The following RIMS1 variants were observed in gnomAD, a reference collection of about 807,000 sequenced individuals.
RIMS1 encodes the protein regulating synaptic membrane exocytosis 1, also known as regulating synaptic membrane exocytosis protein 1.
Under a neutral mutation model 214.1 loss-of-function variants are expected in RIMS1, and 83 were observed. The observed-to-expected ratio is 0.39, with a 90% CI of 0.32 to 0.47. The LOEUF (loss-of-function observed/expected upper bound fraction) is 0.47. Ranked by LOEUF, RIMS1 falls within the 20% of genes least tolerant of loss-of-function variation. The pLI is 0.99. For missense variants in RIMS1, 2,050 were observed against 2,161.8 expected (o/e 0.95, Z 1.03); for synonymous variants, 793 against 786.8 (o/e 1.01, Z -0.13).
chr6:72,321,320 A>T (rs1002592765), intron 28 of RIMS1, among the ~76,000 whole-genome samples: 1 of 152,032 alleles, frequency 6.6e-6, no homozygotes, highest in Non-Finnish European at 1.5e-5. Context: ...TCCATACATG[A>T]TGTAAGTAAT....
chr6:72,260,805 T>C, intron 19 of RIMS1, 38 bp downstream of exon 19: 1 of 1,606,730 alleles, frequency 6.2e-7, no homozygotes. Flanking sequence ...CTGTGTGTGA[T>C]GACTCTCTTT....
intron 2 of RIMS1, among the ~76,000 whole-genome samples, chr6:71,970,270 T>G (rs1238379632): frequency 6.6e-6 from 1 of 152,216 alleles, no homozygotes; most frequent in Non-Finnish European, 1.5e-5. Flanking sequence ...TCATTTTTCT[T>G]TTGCCTATAG....
At chr6:72,006,199 G>T (rs994179058) in intron 2 of RIMS1, among the ~76,000 whole-genome samples, 1 of 152,096 alleles carries the variant, frequency 6.6e-6, no homozygotes, top group African/African-American at 2.4e-5. Context: ...CCTCCCAGGG[G>T]ATCCACCTCA....
intron 2 of RIMS1, among the ~76,000 whole-genome samples, chr6:72,041,877 T>C (rs1248109056): frequency 1.3e-5 from 2 of 151,898 alleles, no homozygotes; most frequent in African/African-American, 4.8e-5. Context: ...AAACGGAGAC[T>C]TAATAAGGTA....
At chr6:72,241,804 T>C (rs2067039453) in intron 9 of RIMS1, among the ~76,000 whole-genome samples, 1 of 152,208 alleles carries the variant, frequency 6.6e-6, no homozygotes, top group Non-Finnish European at 1.5e-5. Context: ...GTTGTGCATC[T>C]GGTGAAGACA....
chr6:72,374,413 G>C (rs1337960560), intron 29 of RIMS1, among the ~76,000 whole-genome samples: 1 of 152,158 alleles, frequency 6.6e-6, no homozygotes, highest in Non-Finnish European at 1.5e-5. Flanking sequence ...CTCTAATTAA[G>C]TTTTTATGCA....
intron 4 of RIMS1, among the ~76,000 whole-genome samples, chr6:72,147,511 C>G (rs1002517932): frequency 6.6e-6 from 1 of 152,120 alleles, no homozygotes. Flanking sequence ...TTTTTTCCAA[C>G]ACAGGGTCAG....
chr6:72,048,120 G>C (rs1823579622), intron 2 of RIMS1, among the ~76,000 whole-genome samples: 1 of 152,134 alleles, frequency 6.6e-6, no homozygotes, highest in African/African-American at 2.4e-5. Context: ...AAAATGCAAT[G>C]TTTTTAAGTA....
intron 6 of RIMS1, among the ~76,000 whole-genome samples, chr6:72,186,190 C>T (rs563057016): frequency 2.0e-5 from 3 of 152,162 alleles, no homozygotes; most frequent in Non-Finnish European, 4.4e-5. Flanking sequence ...GGGGTCAACC[C>T]CTAACCCCTG....
At chr6:72,077,228 C>T (rs1008712977) in intron 2 of RIMS1, among the ~76,000 whole-genome samples, 4 of 152,166 alleles carry the variant, frequency 2.6e-5, no homozygotes, top group Admixed American at 1.3e-4. Flanking sequence ...TAGCCAGGGG[C>T]GTGTCTGTAT....
intron 2 of RIMS1, among the ~76,000 whole-genome samples, chr6:72,088,249 ATTTATTTATTTATTTT>A (rs1835212957): frequency 8.6e-6 from 1 of 115,766 alleles, no homozygotes; most frequent in African/African-American, 2.7e-5. Flanking sequence ...TTATTTATTT[ATTTATTTATTTATTTT>A]GAGACCGAGT....
intron 6 of RIMS1, among the ~76,000 whole-genome samples, chr6:72,214,973 C>A (rs1462354608): frequency 6.6e-6 from 1 of 152,154 alleles, no homozygotes; most frequent in Non-Finnish European, 1.5e-5. Flanking sequence ...CCACCCGCCT[C>A]GGCCTCCCAA....
chr6:72,292,501 A>C (rs1041329776), intron 26 of RIMS1, among the ~76,000 whole-genome samples: 5 of 152,132 alleles, frequency 3.3e-5, no homozygotes, highest in Admixed American at 3.3e-4. Context: ...TGATGAAAAA[A>C]ATGACAGAAC....
chr6:71,946,309 A>T (rs759729576), intron 1 of RIMS1, among the ~76,000 whole-genome samples: 10 of 152,192 alleles, frequency 6.6e-5, no homozygotes, highest in Non-Finnish European at 1.3e-4. Flanking sequence ...ACCACAAAAG[A>T]CCCTGACTAG....
intron 18 of RIMS1, among the ~76,000 whole-genome samples, 156 bp downstream of exon 18, chr6:72,259,267 G>A (rs941164272): frequency 1.4e-4 from 22 of 152,106 alleles, no homozygotes; most frequent in Non-Finnish European, 2.5e-4. Flanking sequence ...TAATAGAAAT[G>A]TAACTCTAGG....
At chr6:72,007,665 T>C (rs924198301) in intron 2 of RIMS1, among the ~76,000 whole-genome samples, 5 of 152,178 alleles carry the variant, frequency 3.3e-5, no homozygotes, top group Non-Finnish European at 7.3e-5. Context: ...GCATGAGAAC[T>C]ACGTGACGAA....
At chr6:72,102,197 C>T (rs2033759750) in intron 4 of RIMS1, among the ~76,000 whole-genome samples, 1 of 151,852 alleles carries the variant, frequency 6.6e-6, no homozygotes, top group Admixed American at 6.6e-5. Flanking sequence ...AACTTAATTC[C>T]TTTGGGATTT....
chr6:72,178,510 G>C (rs980015845), intron 4 of RIMS1, among the ~76,000 whole-genome samples: 10 of 152,174 alleles, frequency 6.6e-5, no homozygotes, highest in Non-Finnish European at 1.3e-4. Flanking sequence ...GTCAGTATTT[G>C]TGAAAAGGAA....
intron 29 of RIMS1, among the ~76,000 whole-genome samples, chr6:72,368,834 G>A (rs1194193558): frequency 1.3e-5 from 2 of 152,092 alleles, no homozygotes; most frequent in African/African-American, 4.8e-5. Context: ...GGAGTTCAGA[G>A]AGCAGTATCA....
Sources: gnomAD v4.1 joint callset for allele counts (sites outside exome capture counted in the v4.1 genomes callset) on GRCh38, gnomAD v4.1.1 for gene constraint, MANE v1.5 for transcripts, NCBI Gene and HGNC (gene_info 2026-07-23, HGNC 2026-07-21) for gene names.